RAD51B: variants seen among roughly 807,000 people sequenced by gnomAD.
RAD51B encodes RAD51 paralog B, also known as DNA repair protein RAD51 homolog 2.
RAD51B carries 38 observed loss-of-function variants against 42.2 expected under a neutral mutation model. The observed-to-expected ratio is 0.90, with a 90% CI of 0.70 to 1.18. RAD51B has a LOEUF of 1.18. Among genes scored for constraint, RAD51B ranks in the 50% most tolerant of loss-of-function variants. The pLI, the probability that RAD51B is intolerant of heterozygous loss-of-function variation, is 0.00. For synonymous variants in RAD51B, 154 were observed against 145.2 expected, an observed-to-expected ratio of 1.06 and a Z score of -0.43; for missense variants, 373 against 400.7, an observed-to-expected ratio of 0.93 and a Z score of 0.59.
intron 7 of RAD51B, among the ~76,000 whole-genome samples, chr14:68,254,080 G>T (rs1191186205): frequency 1.3e-5 from 2 of 152,054 alleles, no homozygotes; most frequent in Non-Finnish European, 2.9e-5. Context: ...TGCCTCTTTA[G>T]GAACTTGGAA....
chr14:67,988,256 C>G (rs764785131), intron 7 of RAD51B, among the ~76,000 whole-genome samples: 1 of 151,946 alleles, frequency 6.6e-6, no homozygotes, highest in Non-Finnish European at 1.5e-5. Context: ...GTCAGGAGTT[C>G]GAGACCAGCC....
chr14:67,848,998 T>G (rs1372131690), intron 4 of RAD51B, among the ~76,000 whole-genome samples: 1 of 152,212 alleles, frequency 6.6e-6, no homozygotes, highest in Non-Finnish European at 1.5e-5. Context: ...CCATTCTCTC[T>G]TGCTTCCTTC....
chr14:68,206,796 T>TC (rs1232619482), intron 7 of RAD51B, among the ~76,000 whole-genome samples: 1 of 150,262 alleles, frequency 6.7e-6, no homozygotes, highest in East Asian at 2.0e-4. Context: ...TTCTTTTTTT[T>TC]TTTTTTTTTT....
chr14:67,994,150 T>C (rs1027420453), intron 7 of RAD51B, among the ~76,000 whole-genome samples: 2 of 152,118 alleles, frequency 1.3e-5, no homozygotes, highest in African/African-American at 2.4e-5. Flanking sequence ...GGACTGTTGT[T>C]AATTTCCATA....
chr14:68,261,652 G>A (rs1566767624), intron 7 of RAD51B, among the ~76,000 whole-genome samples: 1 of 152,096 alleles, frequency 6.6e-6, no homozygotes, highest in Non-Finnish European at 1.5e-5. Context: ...ATTTTCCAGG[G>A]TAATTTTGAC....
intron 7 of RAD51B, among the ~76,000 whole-genome samples, chr14:68,140,727 C>G (rs1198857529): frequency 6.6e-6 from 1 of 152,146 alleles, no homozygotes; most frequent in Non-Finnish European, 1.5e-5. Flanking sequence ...AGAGTTAGGT[C>G]TGGTAGATTT....
At chr14:68,581,800 C>G (rs143184945) in intron 10 of RAD51B, among the ~76,000 whole-genome samples, 140 of 152,182 alleles carry the variant, frequency 9.2e-4, no homozygotes, top group African/African-American at 3.2e-3. Context: ...GTACTAGTAC[C>G]AAAACAGATA....
intron 5 of RAD51B, among the ~76,000 whole-genome samples, chr14:67,876,248 G>A (rs1392469825): frequency 6.6e-6 from 1 of 152,176 alleles, no homozygotes; most frequent in Non-Finnish European, 1.5e-5. Context: ...GAAGCAATAA[G>A]CCTACATTTT....
intron 9 of RAD51B, among the ~76,000 whole-genome samples, chr14:68,439,982 CA>C (rs1451352945): frequency 6.6e-6 from 1 of 152,154 alleles, no homozygotes. Context: ...TGACATGGAG[CA>C]GAGGAACAGC....
At chr14:67,919,328 A>T (rs1661567067) in intron 7 of RAD51B, among the ~76,000 whole-genome samples, 1 of 152,214 alleles carries the variant, frequency 6.6e-6, no homozygotes, top group Admixed American at 6.5e-5. Context: ...GACAGTTAAG[A>T]TGCAGTAGAG....
At chr14:68,667,568 T>C (rs935828407) in intron 11 of RAD51B, among the ~76,000 whole-genome samples, 1 of 152,164 alleles carries the variant, frequency 6.6e-6, no homozygotes, top group Non-Finnish European at 1.5e-5. Context: ...CTGGAGCCAA[T>C]ATTCCCCCAT....
rs373039548 is a variant in RAD51B, at chr14:68,592,861, G to A, written c.1037-1624G>A. 1.0e-3 allele frequency among the ~76,000 whole-genome samples: 152 copies of A among 152,342 alleles called. 5 individuals carry two copies. In the South Asian group the frequency reaches 0.029, roughly 29 times the overall value. The stretch of plus-strand genomic sequence containing the variant: ...CAGGGCACCGTGCTCTTGGCTCTGC[G>A]TGGGATATGGGACTGAGTGATACGT... On this transcript the variant is annotated intron_variant, in intron 10 of 10. Transcript: ENST00000487270.
chr14:68,068,266 T>A (rs1416210673), intron 7 of RAD51B, among the ~76,000 whole-genome samples: 1 of 151,496 alleles, frequency 6.6e-6, no homozygotes, highest in African/African-American at 2.4e-5. Flanking sequence ...CCATTAATAG[T>A]CACTCTGCAT....
intron 1 of RAD51B, among the ~76,000 whole-genome samples, chr14:67,821,482 G>A (rs2040624553): frequency 6.6e-6 from 1 of 152,102 alleles, no homozygotes; most frequent in Non-Finnish European, 1.5e-5. Flanking sequence ...GTTTTTGATA[G>A]GGTCTCAGTC....
intron 8 of RAD51B, among the ~76,000 whole-genome samples, chr14:68,386,794 T>A (rs1017614355): frequency 6.6e-6 from 1 of 152,214 alleles, no homozygotes; most frequent in African/African-American, 2.4e-5. Context: ...TGATTGTTTC[T>A]ACCTCTCATT....
intron 8 of RAD51B, among the ~76,000 whole-genome samples, chr14:68,321,620 G>T (rs2082158384): frequency 6.6e-6 from 1 of 152,140 alleles, no homozygotes; most frequent in Non-Finnish European, 1.5e-5. Context: ...CAGCACAAGG[G>T]TAGACCTTGA....
rs1202618685 is a variant in RAD51B, at chr14:67,948,258, G to A, written c.756+61054G>A. ...CAGCCAGTGGCTTGCTTGGTTGTAG[G>A]ATCAGATGTGATTAAGTTCAGAGAG... On this transcript the variant is annotated intron_variant, in intron 7 of 10. Transcript: ENST00000471583. Among the ~76,000 whole-genome samples the A allele has an allele frequency of 3.3e-5, 5 of 152,158 alleles. 1 individual carries two copies. In the East Asian group the frequency reaches 9.6e-4, roughly 29 times the overall value.
chr14:68,452,822 A>G (rs1275471489), intron 9 of RAD51B, among the ~76,000 whole-genome samples: 2 of 152,132 alleles, frequency 1.3e-5, no homozygotes, highest in Non-Finnish European at 2.9e-5. Context: ...CATTTTAGAG[A>G]TGAGGAAAGT....
chr14:68,356,234 T>C (rs12883764), intron 8 of RAD51B, among the ~76,000 whole-genome samples: 14,236 of 142,022 alleles, frequency 0.1, no homozygotes, highest in East Asian at 0.23. Context: ...AGATCGAGAC[T>C]ATCCTGGCTA....
Sources: allele counts gnomAD v4.1 joint callset (sites outside exome capture counted in the v4.1 genomes callset), GRCh38; gene constraint gnomAD v4.1.1; transcripts MANE v1.5; gene names NCBI Gene and HGNC (gene_info 2026-07-23, HGNC 2026-07-21).